Variants in ADCY10 observed in about 807,000 individuals in gnomAD.
The protein encoded by ADCY10 is adenylate cyclase 10.
Under a neutral mutation model 183.3 loss-of-function variants are expected in ADCY10, and 156 were observed. That is an observed-to-expected ratio of 0.85 (90% CI 0.75 to 0.97). The LOEUF (loss-of-function observed/expected upper bound fraction) is 0.97. ADCY10 is among the 50% of genes least tolerant of loss of function. The probability of loss-of-function intolerance (pLI) is 0.00; values close to 1 mark genes in which losing one functional copy is unlikely to be tolerated. For missense variants in ADCY10, 1,745 were observed against 1,934.3 expected, an observed-to-expected ratio of 0.90 and a Z score of 1.84; for synonymous variants, 645 against 670.0, an observed-to-expected ratio of 0.96 and a Z score of 0.58.
intron 8 of ADCY10, among the ~76,000 whole-genome samples, chr1:167,887,374 G>A (rs1027116777): frequency 1.3e-5 from 2 of 152,206 alleles, no homozygotes; most frequent in African/African-American, 4.8e-5. Context: ...CCATAAAAAG[G>A]ATGAGTTCAC....
At chr1:167,823,604 T>C (rs2269676) in intron 28 of ADCY10, among the ~76,000 whole-genome samples, 4,781 of 152,070 alleles carry the variant, frequency 0.031, 141 homozygotes, top group East Asian at 0.14. Context: ...CCGAAAACCA[T>C]TTATACCCCC....
Position 167,859,806 on chromosome 1 carries a change from C to T in ADCY10, c.1896+1G>A, listed in dbSNP as rs753832305. The T allele has an allele frequency of 6.2e-7, 1 of 1,611,618 alleles. No individual in the cohort carries two copies. Among genetic ancestry groups the T allele is most frequent in the African/African-American group, 1.3e-5 (1 of 74,984 alleles). On this transcript the variant is annotated splice_donor_variant, in intron 16 of 32. Transcript: ENST00000367851. LOFTEE classifies it high-confidence loss of function. ...ACTTCTTGACCCACAGATGCTCTTA[C>T]CAGCTTCAAGATCTTCATAAACAAT...
chr1:167,863,742 C>G (rs1003723137), intron 14 of ADCY10, among the ~76,000 whole-genome samples: 1 of 152,180 alleles, frequency 6.6e-6, no homozygotes, highest in Admixed American at 6.5e-5. Context: ...TGGGACACCT[C>G]GCCAGAGCAG....
chr1:167,833,816 G>GGAT (rs1322537493), intron 24 of ADCY10, among the ~76,000 whole-genome samples, 154 bp downstream of exon 24: 1 of 152,018 alleles, frequency 6.6e-6, no homozygotes, highest in East Asian at 1.9e-4. Flanking sequence ...TGGTGAGGAG[G>GGAT]TTGGAGCCCA....
At chr1:167,882,582 G>A (rs530546137) in intron 9 of ADCY10, among the ~76,000 whole-genome samples, 1 of 152,144 alleles carries the variant, frequency 6.6e-6, no homozygotes, top group African/African-American at 2.4e-5. Context: ...AACTGGAGGT[G>A]TTGACATGGC....
At position 167,902,096 on chromosome 1, in the gene ADCY10, A is replaced by G. The variant is rs1053873839; in HGVS notation, c.254-42T>C. ...AAATTAAATCAAACCCTGATTCCTTAAAGGTAGTAAAAAAACATCATTCTT... is the reference window on the plus strand; with the variant it reads ...AAATTAAATCAAACCCTGATTCCTTGAAGGTAGTAAAAAAACATCATTCTT... On this transcript the variant is annotated intron_variant, in intron 3 of 32. Coordinates refer to ENST00000367851, the MANE Select transcript of ADCY10 (RefSeq NM_018417.6). The G allele has an allele frequency of 3.8e-6, 6 of 1,571,422 alleles. No homozygotes were observed. The African/African-American group carries it at 5.4e-5, about 14-fold the overall frequency.
chr1:167,835,947 C>T (rs571289197), intron 23 of ADCY10, among the ~76,000 whole-genome samples: 1 of 152,240 alleles, frequency 6.6e-6, no homozygotes, highest in Admixed American at 6.5e-5. Flanking sequence ...TTTGTGCTCA[C>T]AGGTATTTTA....
rs758007829 is a variant in ADCY10, at chr1:167,824,829, C to G, written c.3777G>C (p.Ser1259=). 6.2e-7 allele frequency: 1 copy of G among 1,614,038 alleles called. No homozygotes were observed. Among genetic ancestry groups the G allele is most frequent in the Non-Finnish European group, 8.5e-7 (1 of 1,180,048 alleles). ...TGTAGCCAGCCAGGTGGTGGTATAGCGAATAGTCTAGGTAAGCCTTAATGA... is the reference window on the plus strand; with the variant it reads ...TGTAGCCAGCCAGGTGGTGGTATAGGGAATAGTCTAGGTAAGCCTTAATGA... ...FQIIKAYLDY[S]LYHHLAGYKG... is the part of the protein sequence containing the mutation. Residue 1259 remains serine, a synonymous_variant, in exon 27 of 33, where the codon TCG becomes TCC. Coordinates refer to ENST00000367851, the MANE Select transcript of ADCY10 (RefSeq NM_018417.6).
At position 167,896,640 on chromosome 1, in the gene ADCY10, T is replaced by C; in HGVS notation, c.694A>G (p.Lys232Glu). The change falls in exon 7 of 33, where the codon AAG becomes GAG. Residue 232 changes from lysine (K) to glutamate (E), a missense_variant. Transcript: ENST00000367851. ...TAATAATGCATGAAGGTCGTACACTTTGTGAAAAATTCATCAAAATTAAAA... is the reference window on the plus strand; with the variant it reads ...TAATAATGCATGAAGGTCGTACACTCTGTGAAAAATTCATCAAAATTAAAA... The part of the protein sequence containing the change: ...PNFNFDEFFT[K>E]CTTFMHYYPS... 6.2e-7 allele frequency: 1 copy of C among 1,613,780 alleles called. No individual in the cohort carries two copies. The highest frequency in any genetic ancestry group is 8.5e-7 in the Non-Finnish European group (1 of 1,179,690).
intron 6 of ADCY10, among the ~76,000 whole-genome samples, chr1:167,898,256 G>C (rs1347475123): frequency 1.3e-5 from 2 of 151,946 alleles, no homozygotes; most frequent in Non-Finnish European, 2.9e-5. Context: ...CAACTTTTCT[G>C]TAAGTCTAAC....
intron 25 of ADCY10, among the ~76,000 whole-genome samples, chr1:167,830,194 C>A (rs1663608015): frequency 6.6e-6 from 1 of 152,102 alleles, no homozygotes; most frequent in Non-Finnish European, 1.5e-5. Flanking sequence ...TATTCTCTTG[C>A]AACATGTGGA....
At chr1:167,858,257 T>C (rs1402280536) in intron 16 of ADCY10, among the ~76,000 whole-genome samples, 1 of 151,994 alleles carries the variant, frequency 6.6e-6, no homozygotes, top group African/African-American at 2.4e-5. Flanking sequence ...CCCAGCACTT[T>C]GGGAGGCTGA....
chr1:167,906,232 C>T (rs1669804547), intron 1 of ADCY10, among the ~76,000 whole-genome samples: 1 of 151,434 alleles, frequency 6.6e-6, no homozygotes, highest in African/African-American at 2.4e-5. Flanking sequence ...ATATAGTATA[C>T]ATTTAAAAAT....
At chr1:167,905,219 G>C in intron 1 of ADCY10, 21 bp from the exon 2 acceptor site, 1 of 1,473,976 alleles carries the variant, frequency 6.8e-7, no homozygotes, top group South Asian at 1.1e-5. Flanking sequence ...AATTGAAATA[G>C]AGGAAATCTG....
chr1:167,859,838 A>G lies in ADCY10; in HGVS notation c.1865T>C (p.Leu622Ser). ...CAAGATCTTCATAAACAATATTTCC[A>G]ATTGTTTTTGCTTTTTCAAGGTGCT... ...RMSTLKKQKQ[L>S]EILFMKILKL... Residue 622 changes from leucine to serine, a missense_variant, in exon 16 of 33, where the codon TTG becomes TCG. Transcript: ENST00000367851. 1 of 1,613,504 alleles carries G rather than the reference A, an allele frequency of 6.2e-7. No individual in the cohort carries two copies. Among genetic ancestry groups the G allele is most frequent in the Non-Finnish European group, 8.5e-7 (1 of 1,179,530 alleles).
intron 19 of ADCY10, among the ~76,000 whole-genome samples, chr1:167,846,884 C>T (rs988386425): frequency 1.3e-5 from 2 of 151,990 alleles, no homozygotes; most frequent in Admixed American, 6.6e-5. Context: ...ATTAGAATTT[C>T]TCAACTTGCC....
intron 3 of ADCY10, 43 bp downstream of exon 3, chr1:167,903,844 G>A: frequency 1.4e-6 from 2 of 1,406,766 alleles, no homozygotes; most frequent in Non-Finnish European, 2.0e-6. Flanking sequence ...AAAAAACAAT[G>A]AATTGAAATA....
chr1:167,860,525 C>T (rs1666213871), intron 15 of ADCY10, among the ~76,000 whole-genome samples: 1 of 152,130 alleles, frequency 6.6e-6, no homozygotes, highest in South Asian at 2.1e-4. Flanking sequence ...TTGAGGACCC[C>T]TGTGTTAGAT....
At chr1:167,812,994 C>T (rs1353615981) in intron 31 of ADCY10, among the ~76,000 whole-genome samples, 1 of 151,906 alleles carries the variant, frequency 6.6e-6, no homozygotes, top group African/African-American at 2.4e-5. Context: ...TTAACAGAGC[C>T]TAAGGGACTT....
Sources: allele counts gnomAD v4.1 joint callset (sites outside exome capture counted in the v4.1 genomes callset), GRCh38; gene constraint gnomAD v4.1.1; transcripts MANE v1.5; gene names NCBI Gene and HGNC (gene_info 2026-07-23, HGNC 2026-07-21).